Variants in ROBO2 observed in about 807,000 individuals in gnomAD.
ROBO2 encodes the protein roundabout homolog 2.
ROBO2 carries 53 observed loss-of-function variants against 160.8 expected under a neutral mutation model. That is an observed-to-expected ratio of 0.33 (90% CI 0.26 to 0.41). The LOEUF (loss-of-function observed/expected upper bound fraction) is 0.41. Ranked by LOEUF, ROBO2 falls within the 10% of genes least tolerant of loss-of-function variation. The pLI, the probability that ROBO2 is intolerant of heterozygous loss-of-function variation, is 1.00. For synonymous variants in ROBO2, 664 were observed against 611.7 expected, an observed-to-expected ratio of 1.09 and a Z score of -1.26; for missense variants, 1,577 against 1,722.4, an observed-to-expected ratio of 0.92 and a Z score of 1.49.
At chr3:76,828,622 A>C (rs2066790523) in intron 2 of ROBO2, among the ~76,000 whole-genome samples, 1 of 152,146 alleles carries the variant, frequency 6.6e-6, no homozygotes, top group Non-Finnish European at 1.5e-5. Flanking sequence ...TCCCATTATT[A>C]GGTAATAATT....
chr3:76,380,827 T>C (rs568403509), intron 2 of ROBO2, among the ~76,000 whole-genome samples: 2 of 152,188 alleles, frequency 1.3e-5, no homozygotes, highest in East Asian at 3.9e-4. Flanking sequence ...AAGTAAGATA[T>C]ATGAAGAAAG....
intron 2 of ROBO2, among the ~76,000 whole-genome samples, chr3:77,418,799 G>A (rs543257118): frequency 3.7e-4 from 57 of 152,174 alleles, no homozygotes; most frequent in Non-Finnish European, 1.5e-5. Flanking sequence ...AACTATGGGA[G>A]CACCTAGAAA....
intron 2 of ROBO2, among the ~76,000 whole-genome samples, chr3:76,395,694 C>G (rs932846827): frequency 6.6e-6 from 1 of 152,122 alleles, no homozygotes; most frequent in African/African-American, 2.4e-5. Flanking sequence ...CTATAAACAC[C>G]TCTACACAAA....
At chr3:76,227,936 T>A (rs1704390769) in intron 2 of ROBO2, among the ~76,000 whole-genome samples, 1 of 152,208 alleles carries the variant, frequency 6.6e-6, no homozygotes. Flanking sequence ...CGTTTAAAGA[T>A]ATGATCTAAC....
intron 4 of ROBO2, among the ~76,000 whole-genome samples, chr3:77,485,476 A>G (rs1241224597): frequency 6.6e-6 from 1 of 151,578 alleles, no homozygotes; most frequent in Non-Finnish European, 1.5e-5. Flanking sequence ...TGGTCTCTTT[A>G]CCCCAGTTTT....
intron 2 of ROBO2, among the ~76,000 whole-genome samples, chr3:76,207,207 T>G (rs911200548): frequency 6.6e-6 from 1 of 152,174 alleles, no homozygotes; most frequent in African/African-American, 2.4e-5. Flanking sequence ...AGAAAATATT[T>G]TATCTTCTAG....
At chr3:76,454,253 A>C (rs1362930431) in intron 2 of ROBO2, among the ~76,000 whole-genome samples, 5 of 152,188 alleles carry the variant, frequency 3.3e-5, no homozygotes, top group Non-Finnish European at 7.4e-5. Context: ...GCTAACTGAA[A>C]AGTGGAAAGA....
At chr3:77,251,604 T>C (rs1237886521) in intron 2 of ROBO2, among the ~76,000 whole-genome samples, 1 of 152,160 alleles carries the variant, frequency 6.6e-6, no homozygotes, top group African/African-American at 2.4e-5. Flanking sequence ...CTTAGTGATA[T>C]GGATTTGTTG....
At chr3:76,409,276 G>A (rs1380924282) in intron 2 of ROBO2, among the ~76,000 whole-genome samples, 2 of 151,948 alleles carry the variant, frequency 1.3e-5, no homozygotes, top group African/African-American at 4.8e-5. Flanking sequence ...CTGGCAGTTG[G>A]TCATTTCAGA....
intron 24 of ROBO2, among the ~76,000 whole-genome samples, chr3:77,636,819 C>T (rs570145074): frequency 1.2e-4 from 18 of 152,098 alleles, no homozygotes; most frequent in African/African-American, 4.3e-4. Context: ...TATCCATGTT[C>T]GATAATGAGT....
intron 2 of ROBO2, among the ~76,000 whole-genome samples, chr3:77,464,635 G>T (rs2082582823): frequency 1.3e-5 from 2 of 152,074 alleles, no homozygotes; most frequent in African/African-American, 2.4e-5. Context: ...AAAAGTGTTA[G>T]TTTGGAAGGT....
chr3:76,629,823 A>C (rs1202329435), intron 2 of ROBO2, among the ~76,000 whole-genome samples: 3 of 152,204 alleles, frequency 2.0e-5, no homozygotes, highest in Non-Finnish European at 2.9e-5. Flanking sequence ...AATATAATCT[A>C]AGTGAAAACA....
intron 2 of ROBO2, among the ~76,000 whole-genome samples, chr3:76,768,334 A>C (rs1337724970): frequency 6.6e-6 from 1 of 151,470 alleles, no homozygotes; most frequent in African/African-American, 2.4e-5. Flanking sequence ...GCATTTTCTG[A>C]TGTAAATAAT....
At chr3:76,025,818 T>C (rs1213641375) in intron 2 of ROBO2, among the ~76,000 whole-genome samples, 1 of 151,838 alleles carries the variant, frequency 6.6e-6, no homozygotes, top group East Asian at 1.9e-4. Flanking sequence ...GTAAGGCCTC[T>C]TTTTTGTTTA....
intron 2 of ROBO2, among the ~76,000 whole-genome samples, chr3:76,888,606 A>G (rs1322244871): frequency 2.0e-5 from 3 of 152,200 alleles, no homozygotes; most frequent in African/African-American, 7.2e-5. Context: ...TACAATTGAT[A>G]TAGTATATAG....
At chr3:77,622,163 A>G in intron 22 of ROBO2, 64 bp from the exon 24 acceptor site, 1 of 1,450,398 alleles carries the variant, frequency 6.9e-7, no homozygotes, top group Non-Finnish European at 9.6e-7. Context: ...CATTTAATTA[A>G]AATTATGATT....
At chr3:77,082,616 TA>T (rs1315573694) in intron 1 of ROBO2, among the ~76,000 whole-genome samples, 1 of 147,536 alleles carries the variant, frequency 6.8e-6, no homozygotes, top group Non-Finnish European at 1.5e-5. Flanking sequence ...AATTAACAGA[TA>T]TATATATATA....
In ROBO2 at chr3:77,281,154, A is replaced by G. The variant is rs1006356511; in HGVS notation, c.388+182814A>G. 2.6e-5 allele frequency among the ~76,000 whole-genome samples: 4 copies of G among 152,240 alleles called. No individual in the cohort carries two copies. In the South Asian group the frequency reaches 8.3e-4, roughly 31 times the overall value. On this transcript the variant is annotated intron_variant, in intron 2 of 25. Transcript: ENST00000461745. ...AGAAAAAAAGTCATTCAAAGGTTGTATAATCAATCCTAGCTGAAGATGCTT... is the reference window on the plus strand; with the variant it reads ...AGAAAAAAAGTCATTCAAAGGTTGTGTAATCAATCCTAGCTGAAGATGCTT...
At chr3:76,182,918 T>C (rs1701578941) in intron 2 of ROBO2, among the ~76,000 whole-genome samples, 2 of 152,206 alleles carry the variant, frequency 1.3e-5, no homozygotes, top group Non-Finnish European at 2.9e-5. Context: ...ATTTGCTCTA[T>C]AACAAATTTC....
Sources: allele counts gnomAD v4.1 joint callset (sites outside exome capture counted in the v4.1 genomes callset), GRCh38; gene constraint gnomAD v4.1.1; transcripts MANE v1.5; gene names NCBI Gene and HGNC (gene_info 2026-07-23, HGNC 2026-07-21).